EBF1: variants seen among roughly 807,000 people sequenced by gnomAD.
EBF1 encodes transcription factor COE1.
EBF1 carries 10 observed loss-of-function variants against 68.4 expected under a neutral mutation model. The observed-to-expected ratio is 0.15, with a 90% CI of 0.09 to 0.25. The LOEUF is 0.25. Among genes scored for constraint, EBF1 ranks in the 10% least tolerant of loss-of-function variants. EBF1 has a pLI of 1.00. For synonymous variants in EBF1, 298 were observed against 299.8 expected, an observed-to-expected ratio of 0.99 and a Z score of 0.06; for missense variants, 509 against 794.4, an observed-to-expected ratio of 0.64 and a Z score of 4.32.
chr5:158,882,281 G>T (rs1014072541), intron 6 of EBF1, among the ~76,000 whole-genome samples: 2 of 152,198 alleles, frequency 1.3e-5, no homozygotes, highest in African/African-American at 4.8e-5. Context: ...AGCAAGAAAT[G>T]TTCATTTAGT....
intron 7 of EBF1, among the ~76,000 whole-genome samples, chr5:158,828,079 C>T (rs1416193642): frequency 6.6e-6 from 1 of 152,046 alleles, no homozygotes; most frequent in African/African-American, 2.4e-5. Flanking sequence ...GCTTGTTGTA[C>T]TTTTGCATTA....
intron 2 of EBF1, 107 bp from the exon 3 acceptor site, chr5:159,096,513 G>A (rs2128008846): frequency 7.7e-7 from 1 of 1,302,466 alleles, no homozygotes; most frequent in Non-Finnish European, 1.1e-6. Context: ...ACCCCCGCTG[G>A]CGAGCCAGGC....
rs532024398 is a variant in EBF1 at position 158,956,709 on chromosome 5, G to A, written c.555-116599C>T. Among the ~76,000 whole-genome samples, 6 of 148,726 alleles carry A rather than the reference G, an allele frequency of 4.0e-5. No individual in the cohort carries two copies. In the East Asian group the frequency reaches 1.2e-3, roughly 30 times the overall value. On this transcript the variant is annotated intron_variant, in intron 6 of 15. Transcript: ENST00000313708. ...TTAACCAGAAGAGAAGGTTCTAGAT[G>A]TTAAGCATGTACTACCACTCCCACT...
At chr5:158,763,018 A>G (rs756865378) in intron 10 of EBF1, among the ~76,000 whole-genome samples, 8 of 152,134 alleles carry the variant, frequency 5.3e-5, no homozygotes, top group Non-Finnish European at 8.8e-5. Flanking sequence ...TCTCTTCTCA[A>G]ACAGGTTTTA....
intron 6 of EBF1, among the ~76,000 whole-genome samples, chr5:159,055,498 C>T (rs533683546): frequency 3.9e-5 from 6 of 152,302 alleles, no homozygotes; most frequent in African/African-American, 1.4e-4. Context: ...TGAGAAGTCC[C>T]ATATCAGAAT....
chr5:158,796,249 A>G (rs183550645), intron 9 of EBF1, 96 bp downstream of exon 9: 276 of 1,294,516 alleles, frequency 2.1e-4, no homozygotes, highest in Non-Finnish European at 5.7e-5. Flanking sequence ...CCAGAGCGGC[A>G]CCACTAGAGT....
At chr5:158,730,998 T>A in intron 11 of EBF1, 71 bp downstream of exon 11, 1 of 1,419,464 alleles carries the variant, frequency 7.0e-7, no homozygotes, top group Non-Finnish European at 9.8e-7. Context: ...CTAATTTTTA[T>A]CAGCAGCAGA....
At chr5:158,901,187 C>G (rs1414017515) in intron 6 of EBF1, among the ~76,000 whole-genome samples, 1 of 152,182 alleles carries the variant, frequency 6.6e-6, no homozygotes, top group East Asian at 1.9e-4. Flanking sequence ...ACAATTCTTT[C>G]TCTCTCTCAT....
chr5:158,767,087 A>C (rs1772861956), intron 10 of EBF1, among the ~76,000 whole-genome samples: 1 of 152,192 alleles, frequency 6.6e-6, no homozygotes, highest in South Asian at 2.1e-4. Flanking sequence ...CATCTTAAAG[A>C]TTAAAGCCAT....
chr5:158,730,899 T>G lies in EBF1; in HGVS notation c.1125+170A>C, dbSNP rs144316942. ...ATATAAAAGTAAGCACAGTGTTGCC[T>G]GGCACATAAGTGCTTGCTACTTTTA... On this transcript the variant is annotated intron_variant, in intron 11 of 15. Coordinates refer to ENST00000313708, the MANE Select transcript of EBF1 (RefSeq NM_024007.5). 17 of 587,912 alleles carry G rather than the reference T, an allele frequency of 2.9e-5. 1 individual carries two copies. The highest frequency in any genetic ancestry group is 1.8e-4 in the South Asian group (8 of 45,292). The allele number at this position is 587,912 out of a possible 1,614,324, so 36.4% of individuals were successfully genotyped here. A position where few individuals can be genotyped will look rare whatever the true frequency, so the allele number is the denominator to read the frequency against.
chr5:159,047,829 G>A (rs1772736478), intron 6 of EBF1, among the ~76,000 whole-genome samples: 1 of 152,088 alleles, frequency 6.6e-6, no homozygotes, highest in African/African-American at 2.4e-5. Flanking sequence ...ATTCATAGAA[G>A]CCTGTCTGAA....
chr5:158,734,041 A>G (rs187532637), intron 10 of EBF1, among the ~76,000 whole-genome samples: 288 of 152,338 alleles, frequency 1.9e-3, no homozygotes, highest in African/African-American at 6.7e-3. Context: ...CATCCTCAAA[A>G]GCAATGCCAT....
chr5:159,045,276 C>T (rs1772113737), intron 6 of EBF1, among the ~76,000 whole-genome samples: 1 of 151,848 alleles, frequency 6.6e-6, no homozygotes, highest in Non-Finnish European at 1.5e-5. Flanking sequence ...TATCTGGAGG[C>T]CTCTCTTAGC....
At chr5:159,008,314 G>GA (rs1763961554) in intron 6 of EBF1, among the ~76,000 whole-genome samples, 1 of 151,950 alleles carries the variant, frequency 6.6e-6, no homozygotes, top group Non-Finnish European at 1.5e-5. Flanking sequence ...TTATAACCAT[G>GA]AAAAACTGGA....
intron 10 of EBF1, among the ~76,000 whole-genome samples, chr5:158,773,800 TC>T (rs1774423102): frequency 6.6e-6 from 1 of 152,044 alleles, no homozygotes; most frequent in South Asian, 2.1e-4. Context: ...AGATCACGAT[TC>T]GAAAAGATCC....
chr5:158,829,293 C>T (rs563423881), intron 7 of EBF1, among the ~76,000 whole-genome samples: 3 of 151,910 alleles, frequency 2.0e-5, no homozygotes, highest in Non-Finnish European at 4.4e-5. Context: ...CCTCCCACCT[C>T]AGCTCCTGAG....
At chr5:158,719,039 A>G (rs1203207896) in intron 11 of EBF1, among the ~76,000 whole-genome samples, 1 of 152,226 alleles carries the variant, frequency 6.6e-6, no homozygotes, top group Non-Finnish European at 1.5e-5. Context: ...CTGATTTTTA[A>G]AAGTACACAC....
intron 6 of EBF1, among the ~76,000 whole-genome samples, chr5:158,862,782 C>T (rs1394582076): frequency 6.6e-6 from 1 of 152,114 alleles, no homozygotes; most frequent in Non-Finnish European, 1.5e-5. Context: ...TGAACTTAGG[C>T]TTTAAGGAAA....
At chr5:158,980,661 G>A (rs1757711153) in intron 6 of EBF1, among the ~76,000 whole-genome samples, 1 of 152,212 alleles carries the variant, frequency 6.6e-6, no homozygotes, top group South Asian at 2.1e-4. Context: ...AGGAAGAATG[G>A]AGAGAAAATA....
Sources: allele counts gnomAD v4.1 joint callset (sites outside exome capture counted in the v4.1 genomes callset), GRCh38; gene constraint gnomAD v4.1.1; transcripts MANE v1.5; gene names NCBI Gene and HGNC (gene_info 2026-07-23, HGNC 2026-07-21).